CEP112: variants seen among roughly 807,000 people sequenced by gnomAD.
The protein encoded by CEP112 is centrosomal protein of 112 kDa.
Under a neutral mutation model 153.0 loss-of-function variants are expected in CEP112, and 127 were observed. The observed-to-expected ratio is 0.83, with a 90% CI of 0.72 to 0.96. The LOEUF is 0.96. CEP112 is among the 40% of genes least tolerant of loss of function. CEP112 has a pLI of 0.00. For synonymous variants in CEP112, 358 were observed against 374.4 expected (o/e 0.96, Z 0.51); for missense variants, 1,089 against 1,101.2 (o/e 0.99, Z 0.16).
chr17:66,073,398 G>T (rs1472503579), intron 8 of CEP112, among the ~76,000 whole-genome samples: 1 of 152,158 alleles, frequency 6.6e-6, no homozygotes, highest in Non-Finnish European at 1.5e-5. Flanking sequence ...TAAATGCAGG[G>T]TACTAAAAGA....
chr17:66,149,348 C>T (rs574173822), intron 4 of CEP112, among the ~76,000 whole-genome samples: 2 of 152,208 alleles, frequency 1.3e-5, no homozygotes, highest in South Asian at 2.1e-4. Context: ...GCTGGCCTCA[C>T]GTGATAAATT....
intron 12 of CEP112, among the ~76,000 whole-genome samples, chr17:66,041,314 C>T (rs1041342071): frequency 1.3e-5 from 2 of 149,326 alleles, no homozygotes; most frequent in Non-Finnish European, 3.0e-5. Context: ...ACCTAAGTGG[C>T]AAATAGAGCA....
intron 16 of CEP112, among the ~76,000 whole-genome samples, chr17:66,022,495 T>G (rs912996255): frequency 6.6e-6 from 1 of 151,694 alleles, no homozygotes; most frequent in Non-Finnish European, 1.5e-5. Context: ...GATCACAAGG[T>G]CAGGAGATCA....
intron 19 of CEP112, among the ~76,000 whole-genome samples, chr17:65,911,949 A>C (rs1182800755): frequency 6.6e-6 from 1 of 152,154 alleles, no homozygotes; most frequent in Non-Finnish European, 1.5e-5. Flanking sequence ...ACCATGTCAA[A>C]TGCCAGTAGC....
At chr17:66,020,674 G>T (rs922009984) in intron 16 of CEP112, among the ~76,000 whole-genome samples, 4 of 152,274 alleles carry the variant, frequency 2.6e-5, no homozygotes, top group South Asian at 4.1e-4. Flanking sequence ...TATTTTACAA[G>T]TAGATTGACT....
intron 23 of CEP112, among the ~76,000 whole-genome samples, chr17:65,707,124 C>G (rs2048957491): frequency 6.6e-6 from 1 of 152,168 alleles, no homozygotes; most frequent in Non-Finnish European, 1.5e-5. Context: ...ATCCATTCCT[C>G]CGGGCTCCCC....
chr17:65,742,690 A>C (rs910000687), intron 23 of CEP112, among the ~76,000 whole-genome samples: 1 of 152,258 alleles, frequency 6.6e-6, no homozygotes, highest in African/African-American at 2.4e-5. Context: ...GGATGTGGGC[A>C]AAGAACAGAA....
intron 18 of CEP112, among the ~76,000 whole-genome samples, chr17:65,938,391 G>A (rs1344580178): frequency 8.6e-5 from 11 of 127,404 alleles, no homozygotes; most frequent in East Asian, 2.4e-4. Context: ...CCCCCTCTGG[G>A]AGAAACACCC....
intron 20 of CEP112, among the ~76,000 whole-genome samples, chr17:65,852,725 G>T (rs1415993464): frequency 6.6e-6 from 1 of 151,670 alleles, no homozygotes; most frequent in East Asian, 1.9e-4. Flanking sequence ...TTCATCCAGT[G>T]TTCCCTATTG....
chr17:65,688,939 T>C, intron 24 of CEP112, 190 bp downstream of exon 24: 1 of 417,218 alleles, frequency 2.4e-6, no homozygotes, highest in Non-Finnish European at 4.4e-6. Flanking sequence ...AGTTAATTTT[T>C]GTATTTTTAG....
intron 23 of CEP112, among the ~76,000 whole-genome samples, chr17:65,713,715 T>C (rs995802939): frequency 1.3e-5 from 2 of 152,154 alleles, no homozygotes; most frequent in African/African-American, 4.8e-5. Flanking sequence ...GCCTCCCAAG[T>C]AGCTGGGAAT....
intron 16 of CEP112, among the ~76,000 whole-genome samples, chr17:66,020,965 A>G (rs2064976915): frequency 6.6e-6 from 1 of 152,148 alleles, no homozygotes; most frequent in African/African-American, 2.4e-5. Flanking sequence ...GCAGGGAGAC[A>G]GTGGCTAGGT....
chr17:65,756,683 G>T (rs2052302768), intron 21 of CEP112, among the ~76,000 whole-genome samples: 1 of 152,156 alleles, frequency 6.6e-6, no homozygotes, highest in Non-Finnish European at 1.5e-5. Flanking sequence ...TATTAAAAGG[G>T]AAGGTGAGAA....
chr17:65,962,791 G>C (rs1342489576), intron 17 of CEP112, among the ~76,000 whole-genome samples: 1 of 152,016 alleles, frequency 6.6e-6, no homozygotes, highest in African/African-American at 2.4e-5. Flanking sequence ...CTCTCTTTTT[G>C]CCTGCCGCCA....
chr17:65,888,952 T>C (rs2059376663), intron 20 of CEP112, among the ~76,000 whole-genome samples: 1 of 152,202 alleles, frequency 6.6e-6, no homozygotes, highest in African/African-American at 2.4e-5. Flanking sequence ...CCTTTTTTCC[T>C]GTCAGAATTG....
At chr17:65,786,144 A>C (rs1568011303) in intron 21 of CEP112, among the ~76,000 whole-genome samples, 1 of 152,120 alleles carries the variant, frequency 6.6e-6, no homozygotes, top group Non-Finnish European at 1.5e-5. Flanking sequence ...CTTTTGTTAA[A>C]TTCTATTCCT....
At chr17:65,643,441 G>C (rs1241197714) in intron 24 of CEP112, among the ~76,000 whole-genome samples, 1 of 150,226 alleles carries the variant, frequency 6.7e-6, no homozygotes, top group Non-Finnish European at 1.5e-5. Flanking sequence ...GGGATTACAA[G>C]CACGCACCAC....
Position 65,641,057 on chromosome 17 carries a change from G to C in CEP112, c.2706C>G (p.Tyr902Ter). ...KELESQEQIT[Y>*]IRQEYETKLK... ...ATTTTGTTTCATATTCTTGTCGTATGTAAGTTATCTAAATTGGAAAAAAAT... is the reference window on the plus strand; with the variant it reads ...ATTTTGTTTCATATTCTTGTCGTATCTAAGTTATCTAAATTGGAAAAAAAT... Residue 902 changes from tyrosine (Y) to a stop codon, truncating the protein, a stop_gained, in exon 25 of 27, where the codon TAC becomes TAG. Coordinates refer to ENST00000535342, the MANE Select transcript of CEP112 (RefSeq NM_001199165.4). LOFTEE classifies it high-confidence loss of function. The C allele has an allele frequency of 3.2e-6, 5 of 1,578,196 alleles. No individual in the cohort carries two copies. Among genetic ancestry groups the C allele is most frequent in the Non-Finnish European group, 4.4e-6 (5 of 1,148,402 alleles).
chr17:65,846,727 C>T (rs2057739485), intron 21 of CEP112, among the ~76,000 whole-genome samples: 1 of 152,186 alleles, frequency 6.6e-6, no homozygotes, highest in Non-Finnish European at 1.5e-5. Context: ...CGCCACCACA[C>T]CTGGCTAATT....
Sources: allele counts gnomAD v4.1 joint callset (sites outside exome capture counted in the v4.1 genomes callset), GRCh38; gene constraint gnomAD v4.1.1; transcripts MANE v1.5; gene names NCBI Gene and HGNC (gene_info 2026-07-23, HGNC 2026-07-21).